Variants in SSH1 observed in about 807,000 individuals in gnomAD.
The protein encoded by SSH1 is slingshot protein phosphatase 1, also known as protein phosphatase Slingshot homolog 1.
Under a neutral mutation model 79.7 loss-of-function variants are expected in SSH1, and 43 were observed. That is an observed-to-expected ratio of 0.54 (90% CI 0.42 to 0.70). The LOEUF (loss-of-function observed/expected upper bound fraction) is 0.70, where lower values mean the gene tolerates loss of function less well. SSH1 is among the 30% of genes least tolerant of loss of function. The pLI is 0.00. For missense variants in SSH1, 1,206 were observed against 1,358.8 expected, an observed-to-expected ratio of 0.89 and a Z score of 1.77; for synonymous variants, 599 against 538.3, an observed-to-expected ratio of 1.11 and a Z score of -1.56.
chr12:108,820,006 A>C lies in SSH1; in HGVS notation c.215-1693T>G, dbSNP rs141214767. Reference sequence around the variant, plus strand: ...TGGGTCATTAGAAATTTGTGCCTCTAGCCAGGAGGGTAGATCTCATGTTAA... The same window carrying C: ...TGGGTCATTAGAAATTTGTGCCTCTCGCCAGGAGGGTAGATCTCATGTTAA... On this transcript the variant is annotated intron_variant, in intron 3 of 14. Transcript: ENST00000326495. 8.8e-3 allele frequency among the ~76,000 whole-genome samples: 1,339 copies of C among 152,194 alleles called. 22 individuals carry two copies. Among genetic ancestry groups the C allele is most frequent in the African/African-American group, 0.031 (1,292 of 41,502 alleles).
Position 108,779,489 on chromosome 12 carries a change from T to G in SSH1, c.*8499A>C, listed in dbSNP as rs1248394780. 3 of 152,180 alleles carry G rather than the reference T, an allele frequency of 2.0e-5. No homozygotes were observed. Among genetic ancestry groups the G allele is most frequent in the Admixed American group, 6.5e-5 (1 of 15,276 alleles). 9.4% of individuals were successfully genotyped at this position (152,180 alleles called of 1,614,324 possible). A position where few individuals can be genotyped will look rare whatever the true frequency, so the allele number is the denominator to read the frequency against. On this transcript the variant is annotated 3_prime_UTR_variant, in exon 15 of 15. Transcript: ENST00000326495. ...CAGCTCTGGGAAGGGTTTCAGATGA[T>G]GAGGGAGCAGTTCCTATCTGGCTTC...
At position 108,784,237 on chromosome 12, in the gene SSH1, G is replaced by A. The variant is rs376271197; in HGVS notation, c.*3751C>T. 24 of 152,390 alleles carry A rather than the reference G, an allele frequency of 1.6e-4. No homozygotes were observed. The highest frequency in any genetic ancestry group is 5.3e-4 in the African/African-American group (22 of 41,580). 9.4% of individuals were successfully genotyped at this position (152,390 alleles called of 1,614,324 possible). ...CCTCAGATAAGAGTGCATTAGTCCA[G>A]GGCCGTGCTGAGGGTCTGTTCTGTT... is the stretch of plus-strand genomic sequence containing the variant. On this transcript the variant is annotated 3_prime_UTR_variant, in exon 15 of 15. Coordinates refer to ENST00000326495, the MANE Select transcript of SSH1 (RefSeq NM_018984.4).
intron 2 of SSH1, among the ~76,000 whole-genome samples, chr12:108,843,576 C>T (rs1037017089): frequency 6.6e-6 from 1 of 152,122 alleles, no homozygotes; most frequent in East Asian, 1.9e-4. Flanking sequence ...ACTCTGTCGC[C>T]CAGGGTGGAA....
intron 12 of SSH1, among the ~76,000 whole-genome samples, chr12:108,800,375 G>A (rs1013779059): frequency 2.0e-5 from 3 of 152,144 alleles, no homozygotes; most frequent in Admixed American, 1.3e-4. Flanking sequence ...CTCTAAGCCC[G>A]TGTCCGTGCA....
chr12:108,826,166 G>C, intron 2 of SSH1: 2 of 455,134 alleles, frequency 4.4e-6, no homozygotes, highest in Non-Finnish European at 8.8e-6. Context: ...TGGAAACCAT[G>C]AGCAAAAATT....
chr12:108,841,811 C>A (rs183262026), intron 2 of SSH1, among the ~76,000 whole-genome samples: 3,305 of 147,112 alleles, frequency 0.022, 133 homozygotes, highest in African/African-American at 0.081. Flanking sequence ...CCATCCCCCC[C>A]CACAAAAAAA....
At position 108,788,878 on chromosome 12, in the gene SSH1, A is replaced by C. The variant is rs1358485016; in HGVS notation, c.2260T>G (p.Ser754Ala). The change falls in exon 15 of 15, where the codon TCC becomes GCC. Residue 754 changes from serine (S) to alanine (A), a missense_variant. By Grantham distance (99) the Ser-to-Ala change is moderately conservative (BLOSUM62 1). Transcript: ENST00000326495. ...CAGTGAGAATTCTTCAAAAGGAGGG[A>C]CTTTGGCAGGACTTTTGGGGTCTCT... The part of the protein sequence containing the change: ...SRETPKVLPK[S>A]LLLKNSHCDK... 4.3e-6 allele frequency: 7 copies of C among 1,613,938 alleles called. No individual in the cohort carries two copies. Among genetic ancestry groups the C allele is most frequent in the Non-Finnish European group, 5.9e-6 (7 of 1,180,022 alleles).
chr12:108,825,276 T>C (rs550820639), intron 2 of SSH1, among the ~76,000 whole-genome samples: 1 of 152,308 alleles, frequency 6.6e-6, no homozygotes, highest in African/African-American at 2.4e-5. Context: ...TTTTCTGTAA[T>C]ACAAGAAAGC....
chr12:108,816,475 G>A (rs919274907), intron 5 of SSH1, among the ~76,000 whole-genome samples: 4 of 152,146 alleles, frequency 2.6e-5, no homozygotes, highest in South Asian at 2.1e-4. Flanking sequence ...CATTTCACAC[G>A]CATCTTGGGG....
At chr12:108,820,309 C>T (rs975292068) in intron 3 of SSH1, among the ~76,000 whole-genome samples, 2 of 152,108 alleles carry the variant, frequency 1.3e-5, no homozygotes, top group Non-Finnish European at 2.9e-5. Context: ...CTATGATGAG[C>T]GATTTGGAGA....
At chr12:108,790,550 C>A (rs561208624) in intron 14 of SSH1, among the ~76,000 whole-genome samples, 1 of 152,280 alleles carries the variant, frequency 6.6e-6, no homozygotes, top group Admixed American at 6.5e-5. Context: ...TCCAAAAGTG[C>A]TGGGATTATA....
chr12:108,810,685 T>G (rs560897365), intron 6 of SSH1, among the ~76,000 whole-genome samples: 1 of 152,232 alleles, frequency 6.6e-6, no homozygotes, highest in East Asian at 1.9e-4. Flanking sequence ...CAGGCCACTT[T>G]CCTATTCTGT....
intron 2 of SSH1, among the ~76,000 whole-genome samples, chr12:108,831,611 G>A (rs1230483888): frequency 6.6e-6 from 1 of 152,164 alleles, no homozygotes; most frequent in Non-Finnish European, 1.5e-5. Flanking sequence ...CGTACACACA[G>A]GGGTTCAGGG....
chr12:108,792,212 G>A (rs1565969179), intron 14 of SSH1, 74 bp downstream of exon 14: 5 of 1,610,826 alleles, frequency 3.1e-6, no homozygotes, highest in Non-Finnish European at 3.4e-6. Flanking sequence ...CCCTACTACA[G>A]AGGCTGAGGT....
intron 2 of SSH1, among the ~76,000 whole-genome samples, chr12:108,836,491 G>A (rs896162233): frequency 1.3e-5 from 2 of 152,202 alleles, no homozygotes; most frequent in Non-Finnish European, 2.9e-5. Context: ...ACATGTCAAA[G>A]GGACACAGAA....
In SSH1 at chr12:108,789,116, G is replaced by A. The variant is rs763150464; in HGVS notation, c.2022C>T (p.Pro674=). The A allele has an allele frequency of 2.4e-5, 38 of 1,613,804 alleles. No homozygotes were observed. Among genetic ancestry groups the A allele is most frequent in the African/African-American group, 1.3e-4 (10 of 74,896 alleles). The change falls in exon 15 of 15, where the codon CCC becomes CCT. Residue 674 remains proline, a synonymous_variant. Transcript: ENST00000326495. The part of the protein sequence containing the change: ...SRERCEDPNA[P]AICTQPAFLP... ...GGAAGGCTGGCTGGGTGCAGATGGC[G>A]GGAGCATTGGGGTCCTCACATCGCT...
intron 2 of SSH1, among the ~76,000 whole-genome samples, chr12:108,852,238 CTT>C (rs372321306): frequency 2.2e-4 from 30 of 136,936 alleles, no homozygotes; most frequent in Middle Eastern, 3.7e-3. Context: ...TTGGCATATT[CTT>C]TTTTTTTTTT....
chr12:108,807,684 A>G lies in SSH1; in HGVS notation c.680T>C (p.Met227Thr). The G allele has an allele frequency of 1.9e-6, 3 of 1,613,260 alleles. No homozygotes were observed. Among genetic ancestry groups the G allele is most frequent in the Non-Finnish European group, 2.5e-6 (3 of 1,179,544 alleles). Residue 227 changes from methionine (M) to threonine (T), a missense_variant, in exon 8 of 15, where the codon ATG becomes ACG. By Grantham distance (81) the Met-to-Thr change is moderately conservative. Around this residue, in one of 5 missense-constraint regions of SSH1, gnomAD observed 116 missense variants for 109.0 expected, o/e 1.06. Coordinates refer to ENST00000326495, the MANE Select transcript of SSH1 (RefSeq NM_018984.4). This position sits in a 1 kb window ranked among gnomAD's most constrained non-coding sequence, Gnocchi z 5.2. ...GGGCCGCGTAGACTCCAGGTCCTGC[A>G]TGGCGTTCCACTCGTTGATGCAGCT... ...EQSCINEWNA[M>T]QDLESTRPDS...
At chr12:108,851,031 T>C (rs897673968) in intron 2 of SSH1, among the ~76,000 whole-genome samples, 6 of 151,958 alleles carry the variant, frequency 3.9e-5, no homozygotes, top group South Asian at 4.2e-4. Flanking sequence ...ACTGCCCCCA[T>C]TGGGAATCCA....
Sources: gnomAD v4.1 joint callset for allele counts (sites outside exome capture counted in the v4.1 genomes callset) on GRCh38, gnomAD v4.1.1 for gene constraint, gnomAD v4.1.1 regional missense constraint, Gnocchi (gnomAD v3.1) non-coding constraint, MANE v1.5 for transcripts, NCBI Gene and HGNC (gene_info 2026-07-23, HGNC 2026-07-21) for gene names.